ABCC4: variants seen among roughly 807,000 people sequenced by gnomAD.
The protein encoded by ABCC4 is ATP-binding cassette sub-family C member 4.
A neutral mutation model predicts 168.5 loss-of-function variants in ABCC4; 102 were observed. That is an observed-to-expected ratio of 0.61 (90% confidence interval 0.52 to 0.71). ABCC4 has a LOEUF of 0.71. Ranked by LOEUF, ABCC4 falls within the 30% of genes least tolerant of loss-of-function variation. ABCC4 has a pLI of 0.00. For missense variants in ABCC4, 1,402 were observed against 1,605.8 expected, an observed-to-expected ratio of 0.87 and a Z score of 2.17; for synonymous variants, 617 against 590.7, an observed-to-expected ratio of 1.04 and a Z score of -0.65.
chr13:95,204,203 C>A (rs1483188501), intron 8 of ABCC4, among the ~76,000 whole-genome samples: 1 of 152,066 alleles, frequency 6.6e-6, no homozygotes, highest in East Asian at 1.9e-4. Flanking sequence ...AAGCCCTACA[C>A]CTAGGGTTCA....
chr13:95,234,945 T>C, intron 3 of ABCC4, 111 bp from the exon 4 acceptor site: 4 of 781,188 alleles, frequency 5.1e-6, no homozygotes, highest in South Asian at 1.9e-5. Flanking sequence ...TGCTGGAGTA[T>C]AGTGGCACAA....
chr13:95,268,278 C>T (rs1409243612), intron 1 of ABCC4, among the ~76,000 whole-genome samples: 1 of 152,194 alleles, frequency 6.6e-6, no homozygotes, highest in African/African-American at 2.4e-5. Context: ...GTCATCACCA[C>T]TCCCTAATCT....
intron 3 of ABCC4, among the ~76,000 whole-genome samples, chr13:95,245,340 C>T (rs189111063): frequency 6.6e-6 from 1 of 152,382 alleles, no homozygotes; most frequent in African/African-American, 2.4e-5. Context: ...AGACACCTGG[C>T]ATGAGCCTTA....
intron 19 of ABCC4, among the ~76,000 whole-genome samples, chr13:95,128,791 C>G (rs1451025524): frequency 2.6e-5 from 4 of 152,158 alleles, no homozygotes; most frequent in Admixed American, 2.6e-4. Flanking sequence ...CAACTTGGTT[C>G]CTTTAAATTA....
intron 1 of ABCC4, among the ~76,000 whole-genome samples, chr13:95,253,056 T>C (rs2040306428): frequency 6.6e-6 from 1 of 152,178 alleles, no homozygotes; most frequent in Non-Finnish European, 1.5e-5. Flanking sequence ...CTCATTCAGT[T>C]TCCACTGTTC....
At chr13:95,037,476 A>G (rs895454585) in intron 29 of ABCC4, among the ~76,000 whole-genome samples, 1 of 152,234 alleles carries the variant, frequency 6.6e-6, no homozygotes, top group Non-Finnish European at 1.5e-5. Context: ...GTCTATCAAG[A>G]TGCTGACAGC....
At chr13:95,075,287 G>C (rs2033858807) in intron 22 of ABCC4, 145 bp downstream of exon 22, 2 of 1,036,356 alleles carry the variant, frequency 1.9e-6, no homozygotes, top group Non-Finnish European at 1.4e-6. Flanking sequence ...GAAGGGGATG[G>C]GGAAGGAGAC....
Position 95,166,429 on chromosome 13 carries a change from T to G in ABCC4, c.1825-62A>C, listed in dbSNP as rs963291218. On this transcript the variant is annotated intron_variant, in intron 14 of 30. Transcript: ENST00000645237. ...TGCAGGTGATAATGTTAACCTAATCTAATTCTAATCCAGAAAAAGTAACTG... is the reference window on the plus strand; with the variant it reads ...TGCAGGTGATAATGTTAACCTAATCGAATTCTAATCCAGAAAAAGTAACTG... 1.2e-5 allele frequency: 17 copies of G among 1,386,306 alleles called. No individual in the cohort carries two copies. The South Asian group carries it at 2.2e-4, about 18-fold the overall frequency. The allele number at this position is 1,386,306 out of a possible 1,614,324, so 85.9% of individuals were successfully genotyped here.
At chr13:95,064,501 G>A (rs888036132) in intron 25 of ABCC4, among the ~76,000 whole-genome samples, 29 of 57,424 alleles carry the variant, frequency 5.1e-4, no homozygotes, top group African/African-American at 1.5e-3. Context: ...ACACACACAC[G>A]TGTATGTGTG....
intron 13 of ABCC4, among the ~76,000 whole-genome samples, chr13:95,171,454 G>A (rs1024210245): frequency 6.6e-6 from 1 of 151,944 alleles, no homozygotes; most frequent in African/African-American, 2.4e-5. Context: ...CTAGAAGGGA[G>A]GCTAAGGTGG....
At chr13:95,261,938 A>T (rs59689275) in intron 1 of ABCC4, among the ~76,000 whole-genome samples, 1 of 151,856 alleles carries the variant, frequency 6.6e-6, no homozygotes, top group African/African-American at 2.4e-5. Context: ...TCTCCACACA[A>T]AAAAAAAAAA....
chr13:95,224,298 G>T (rs1247401908), intron 4 of ABCC4, among the ~76,000 whole-genome samples: 2 of 151,928 alleles, frequency 1.3e-5, no homozygotes, highest in South Asian at 4.2e-4. Flanking sequence ...GTTGACAATG[G>T]AACACCTTTG....
At chr13:95,224,254 A>T (rs1408178373) in intron 4 of ABCC4, among the ~76,000 whole-genome samples, 1 of 151,958 alleles carries the variant, frequency 6.6e-6, no homozygotes, top group Non-Finnish European at 1.5e-5. Context: ...GATACAAATG[A>T]TGGCTAACAA....
chr13:95,237,670 C>T (rs114572862), intron 3 of ABCC4, among the ~76,000 whole-genome samples: 1 of 152,140 alleles, frequency 6.6e-6, no homozygotes, highest in African/African-American at 2.4e-5. Flanking sequence ...CCATCCCTTG[C>T]TTTCTTGGAG....
chr13:95,138,945 C>T (rs1041628830), intron 19 of ABCC4, among the ~76,000 whole-genome samples: 6 of 152,218 alleles, frequency 3.9e-5, no homozygotes, highest in African/African-American at 7.2e-5. Flanking sequence ...AACCACCCAT[C>T]CCCATGACAG....
At chr13:95,059,287 T>G (rs1275837751) in intron 26 of ABCC4, among the ~76,000 whole-genome samples, 1 of 152,156 alleles carries the variant, frequency 6.6e-6, no homozygotes, top group Non-Finnish European at 1.5e-5. Context: ...ATGTGTCAAA[T>G]GAGGATGACA....
intron 20 of ABCC4, among the ~76,000 whole-genome samples, chr13:95,115,176 A>C (rs913505185): frequency 5.9e-5 from 9 of 152,160 alleles, no homozygotes; most frequent in Non-Finnish European, 1.2e-4. Context: ...AACAGTACTG[A>C]ATAAGGAGAT....
At chr13:95,140,920 G>A (rs1253830408) in intron 19 of ABCC4, among the ~76,000 whole-genome samples, 1 of 152,150 alleles carries the variant, frequency 6.6e-6, no homozygotes, top group East Asian at 1.9e-4. Flanking sequence ...GGAAAATCAG[G>A]CTTCTGCACG....
At chr13:95,234,934 A>G (rs2039724464) in intron 3 of ABCC4, 100 bp from the exon 4 acceptor site, 6 of 857,324 alleles carry the variant, frequency 7.0e-6, no homozygotes, top group Non-Finnish European at 8.8e-6. Context: ...TCTGTCACCC[A>G]TGCTGGAGTA....
Sources: gnomAD v4.1 joint callset for allele counts (sites outside exome capture counted in the v4.1 genomes callset) on GRCh38, gnomAD v4.1.1 for gene constraint, MANE v1.5 for transcripts, NCBI Gene and HGNC (gene_info 2026-07-23, HGNC 2026-07-21) for gene names.